The following QDPR variants were observed in gnomAD, a reference collection of about 807,000 sequenced individuals.
QDPR encodes quinoid dihydropteridine reductase.
A neutral mutation model predicts 31.7 loss-of-function variants in QDPR; 23 were observed. That is an observed-to-expected ratio of 0.73 (90% confidence interval 0.52 to 1.03). QDPR has a LOEUF of 1.03. Ranked by LOEUF, QDPR falls within the 50% of genes least tolerant of loss-of-function variation. QDPR has a pLI of 0.00. For synonymous variants in QDPR, 124 were observed against 124.7 expected (o/e 0.99, Z 0.03); for missense variants, 324 against 323.8 (o/e 1.00, Z 0.00).
At chr4:17,487,305 A>G in intron 6 of QDPR, 69 bp from the exon 7 acceptor site, 1 of 828,178 alleles carries the variant, frequency 1.2e-6, no homozygotes, top group Non-Finnish European at 2.0e-6. Flanking sequence ...TGACCTTCAC[A>G]GTGACGGCTT....
chr4:17,487,323 G>T (rs893131833), intron 6 of QDPR, 87 bp from the exon 7 acceptor site: 1 of 966,674 alleles, frequency 1.0e-6, no homozygotes. Context: ...CTTGTGGGGT[G>T]GGGGGAAGGG....
intron 4 of QDPR, among the ~76,000 whole-genome samples, chr4:17,498,939 C>A (rs1306356197): frequency 2.0e-5 from 3 of 152,208 alleles, no homozygotes; most frequent in Admixed American, 6.5e-5. Context: ...TAAAAGATCT[C>A]ATGACTCAAA....
At position 17,504,409 on chromosome 4, in the gene QDPR, C is replaced by T; in HGVS notation, c.265G>A (p.Gly89Arg). 1 of 1,614,190 alleles carries T rather than the reference C, an allele frequency of 6.2e-7. No individual in the cohort carries two copies. Among genetic ancestry groups the T allele is most frequent in the Middle Eastern group, 1.6e-4 (1 of 6,062 alleles). ...KVDAILCVAG[G>R]WAGGNAKSKS... ...GATTTGGCATTGCCCCCGGCCCATCCTCCAGCAACGCAAAGAATTGCATCC... is the reference window on the plus strand; with the variant it reads ...GATTTGGCATTGCCCCCGGCCCATCTTCCAGCAACGCAAAGAATTGCATCC... The change falls in exon 3 of 7, where the codon GGA (glycine) becomes AGA (arginine). Residue 89 changes from glycine to arginine, a missense_variant. Gly to Arg is a moderately radical substitution (Grantham distance 125). Transcript: ENST00000281243.
At position 17,487,114 on chromosome 4, in the gene QDPR, A is replaced by G. The variant is rs1717986267; in HGVS notation, c.*17T>C. 6.3e-7 allele frequency: 1 copy of G among 1,598,488 alleles called. No homozygotes were observed. The highest frequency in any genetic ancestry group is 1.7e-4 in the Middle Eastern group (1 of 5,722). On this transcript the variant is annotated 3_prime_UTR_variant, in exon 7 of 7. Transcript: ENST00000281243. ...GTGACTTTTCTGGCAGGCCCCTCATAGGCACTGAGATGAGGCCTAAAAATA... is the reference window on the plus strand; with the variant it reads ...GTGACTTTTCTGGCAGGCCCCTCATGGGCACTGAGATGAGGCCTAAAAATA...
chr4:17,487,651 T>A (rs985439310), intron 6 of QDPR, among the ~76,000 whole-genome samples: 2 of 147,828 alleles, frequency 1.4e-5, no homozygotes, highest in Non-Finnish European at 3.0e-5. Flanking sequence ...CAAAAAATAA[T>A]AAATAAATAA....
chr4:17,490,772 A>C (rs1718136154), intron 5 of QDPR, 27 bp from the exon 6 acceptor site: 4 of 1,584,460 alleles, frequency 2.5e-6, no homozygotes, highest in Non-Finnish European at 3.5e-6. Context: ...TAAGCACGTC[A>C]TTCATGTCGC....
At chr4:17,500,911 T>C (rs950453236) in intron 4 of QDPR, among the ~76,000 whole-genome samples, 3 of 152,124 alleles carry the variant, frequency 2.0e-5, no homozygotes, top group African/African-American at 7.2e-5. Flanking sequence ...ATAATATTGA[T>C]GAGATTAAAG....
intron 2 of QDPR, among the ~76,000 whole-genome samples, chr4:17,507,048 A>G (rs1244044891): frequency 6.6e-6 from 1 of 152,240 alleles, no homozygotes; most frequent in Non-Finnish European, 1.5e-5. Flanking sequence ...TATTTTCTAT[A>G]TCATACATGC....
intron 4 of QDPR, among the ~76,000 whole-genome samples, chr4:17,496,303 G>T (rs1718348396): frequency 6.6e-6 from 1 of 151,844 alleles, no homozygotes; most frequent in East Asian, 2.0e-4. Context: ...AAGTTAGCTG[G>T]GGGTGGTGAT....
chr4:17,499,604 C>T (rs1718487293), intron 4 of QDPR, among the ~76,000 whole-genome samples: 1 of 152,100 alleles, frequency 6.6e-6, no homozygotes, highest in Non-Finnish European at 1.5e-5. Context: ...GTCACAGCCT[C>T]ACAGTTCAGT....
chr4:17,490,539 A>T, intron 6 of QDPR, 123 bp downstream of exon 6: 1 of 761,180 alleles, frequency 1.3e-6, no homozygotes, highest in Non-Finnish European at 2.3e-6. Flanking sequence ...TCAGAGTCCC[A>T]GAGACCTCCC....
rs181054002 is a variant in QDPR at position 17,492,382 on chromosome 4, C to T, written c.437-42G>A. ...AGATGGCTCAGTGACCACTGGCGGC[C>T]AGGGGGACAGCAAGGACATGCAATC... On this transcript the variant is annotated intron_variant, in intron 4 of 6. Coordinates refer to ENST00000281243, the MANE Select transcript of QDPR (RefSeq NM_000320.3). 6.8e-6 allele frequency: 10 copies of T among 1,477,514 alleles called. No individual in the cohort carries two copies. In the East Asian group the frequency reaches 2.0e-4, roughly 30 times the overall value. The allele number at this position is 1,477,514 out of a possible 1,614,324, so 91.5% of individuals were successfully genotyped here.
chr4:17,487,328 G>A (rs1717999898), intron 6 of QDPR, 92 bp from the exon 7 acceptor site: 14 of 866,260 alleles, frequency 1.6e-5, no homozygotes, highest in Non-Finnish European at 2.3e-5. Flanking sequence ...GGGGTGGGGG[G>A]AAGGGGTGGC....
chr4:17,508,633 T>C (rs1328768314), intron 2 of QDPR, among the ~76,000 whole-genome samples: 2 of 127,098 alleles, frequency 1.6e-5, no homozygotes, highest in Non-Finnish European at 3.4e-5. Context: ...TATTTAAGTA[T>C]AAAAAAAAAA....
intron 4 of QDPR, among the ~76,000 whole-genome samples, chr4:17,497,347 G>A: frequency 6.6e-6 from 1 of 151,918 alleles, no homozygotes; most frequent in East Asian, 1.9e-4. Flanking sequence ...ATTTGTCAAA[G>A]CAAGTCCTTT....
chr4:17,502,458 T>C (rs1334332663), intron 3 of QDPR, among the ~76,000 whole-genome samples: 1 of 152,180 alleles, frequency 6.6e-6, no homozygotes, highest in Non-Finnish European at 1.5e-5. Context: ...ATGTGGTACC[T>C]GGTGATCAAA....
At chr4:17,503,284 C>T in intron 3 of QDPR, among the ~76,000 whole-genome samples, 1 of 152,066 alleles carries the variant, frequency 6.6e-6, no homozygotes, top group Admixed American at 6.6e-5. Context: ...TAATGCAGTA[C>T]ATAAACCTTG....
chr4:17,510,107 T>C (rs544766368), intron 1 of QDPR: 26 of 403,226 alleles, frequency 6.4e-5, no homozygotes, highest in South Asian at 4.5e-4. Context: ...CTTCATTTGA[T>C]TTTCTTTTCA....
Position 17,504,395 on chromosome 4 carries a change from GC to G in QDPR, c.278del (p.Gly93AlafsTer14). 2 of 1,613,940 alleles carry G rather than the reference GC, an allele frequency of 1.2e-6. No individual in the cohort carries two copies. Among genetic ancestry groups the G allele is most frequent in the Non-Finnish European group, 1.7e-6 (2 of 1,179,860 alleles). ...AGGACTCACACTTGGATTTGGCATT[GC>G]CCCCGGCCCATCCTCCAGCAACGCA... Reference protein sequence around the residue: ...ILCVAGGWAGGNAKSKSLFKN... With the variant: ...ILCVAGGWAGXNAKSKSLFKN... On this transcript the variant is annotated frameshift_variant, in exon 3 of 7. Transcript: ENST00000281243. LOFTEE classifies it high-confidence loss of function.
Sources: allele counts gnomAD v4.1 joint callset (sites outside exome capture counted in the v4.1 genomes callset), GRCh38; gene constraint gnomAD v4.1.1; transcripts MANE v1.5; gene names NCBI Gene and HGNC (gene_info 2026-07-23, HGNC 2026-07-21).